The following CCDC148 variants were observed in gnomAD, a reference collection of about 807,000 sequenced individuals.
CCDC148 encodes the protein coiled-coil domain containing 148.
In CCDC148, 89 loss-of-function variants were observed where a neutral mutation model predicts 85.7. The observed-to-expected ratio is 1.04, with a 90% CI of 0.87 to 1.24. The LOEUF (loss-of-function observed/expected upper bound fraction) is 1.24, where lower values mean the gene tolerates loss of function less well. Among genes scored for constraint, CCDC148 ranks in the 50% most tolerant of loss-of-function variants. The pLI is 0.00. For missense variants in CCDC148, 692 were observed against 671.7 expected (o/e 1.03, Z -0.33); for synonymous variants, 230 against 213.9 (o/e 1.08, Z -0.66).
At chr2:158,314,091 A>G (rs2105214768) in intron 7 of CCDC148, among the ~76,000 whole-genome samples, 197 bp from the exon 8 acceptor site, 1 of 152,300 alleles carries the variant, frequency 6.6e-6, no homozygotes, top group Non-Finnish European at 1.5e-5. Context: ...TCAGTTCTTT[A>G]TTTGGTCTTG....
chr2:158,424,287 A>G (rs1031287552), intron 1 of CCDC148, among the ~76,000 whole-genome samples: 1 of 152,172 alleles, frequency 6.6e-6, no homozygotes. Context: ...TTGCGGCACT[A>G]TTCACAATAG....
Position 158,403,201 on chromosome 2 carries a change from C to T in CCDC148, c.26-44631G>A, listed in dbSNP as rs574464519. The stretch of plus-strand genomic sequence containing the variant: ...TATTTTTTTCTTTTTTTTTTCTGAC[C>T]CAAAGCCTGTATTTGCAAGTTAAAC... On this transcript the variant is annotated intron_variant, in intron 1 of 13. Coordinates refer to ENST00000283233, the MANE Select transcript of CCDC148 (RefSeq NM_138803.4). Among the ~76,000 whole-genome samples the T allele has an allele frequency of 1.4e-3, 205 of 151,158 alleles. 1 individual carries two copies. In the Middle Eastern group the frequency reaches 0.014, roughly 10 times the overall value.
chr2:158,407,712 A>C (rs1166490913), intron 1 of CCDC148, among the ~76,000 whole-genome samples: 1 of 152,184 alleles, frequency 6.6e-6, no homozygotes, highest in Non-Finnish European at 1.5e-5. Context: ...AATAGACCTT[A>C]AACTGGTCCA....
rs553468007 is a variant in CCDC148 at position 158,401,137 on chromosome 2, C to A, written c.26-42567G>T. On this transcript the variant is annotated intron_variant, in intron 1 of 13. Transcript: ENST00000283233. ...ATTAATTCAACCATTGTGGAAGACACTGTGGCGATTCCTGAAGGATTTAGA... is the reference window on the plus strand; with the variant it reads ...ATTAATTCAACCATTGTGGAAGACAATGTGGCGATTCCTGAAGGATTTAGA... Among the ~76,000 whole-genome samples the A allele has an allele frequency of 8.8e-4, 134 of 152,194 alleles. No individual in the cohort carries two copies. In the Middle Eastern group the frequency reaches 0.014, roughly 15 times the overall value.
At chr2:158,265,315 C>G (rs1385358630) in intron 9 of CCDC148, among the ~76,000 whole-genome samples, 4 of 151,996 alleles carry the variant, frequency 2.6e-5, no homozygotes, top group Admixed American at 2.0e-4. Flanking sequence ...TGCAACCAAC[C>G]AATAATCCTA....
At chr2:158,270,441 C>A (rs182551188) in intron 9 of CCDC148, among the ~76,000 whole-genome samples, 1 of 152,274 alleles carries the variant, frequency 6.6e-6, no homozygotes, top group Non-Finnish European at 1.5e-5. Flanking sequence ...GGTTACTTTA[C>A]TTTGTACGAG....
chr2:158,181,089 T>C (rs1220574765), intron 11 of CCDC148, among the ~76,000 whole-genome samples: 1 of 152,154 alleles, frequency 6.6e-6, no homozygotes, highest in South Asian at 2.1e-4. Flanking sequence ...AGTGAACTAC[T>C]GTGAAGGTTC....
intron 10 of CCDC148, among the ~76,000 whole-genome samples, chr2:158,239,097 C>A (rs1400449977): frequency 1.3e-5 from 2 of 152,098 alleles, no homozygotes; most frequent in African/African-American, 4.8e-5. Context: ...TGGAATACTG[C>A]CTTGCACATA....
chr2:158,334,306 T>C (rs1261599351), intron 7 of CCDC148, among the ~76,000 whole-genome samples: 1 of 152,140 alleles, frequency 6.6e-6, no homozygotes. Context: ...CTCTCCAATT[T>C]TGGGGGAAGC....
intron 8 of CCDC148, among the ~76,000 whole-genome samples, chr2:158,310,804 G>A (rs1412700943): frequency 2.0e-5 from 3 of 150,750 alleles, no homozygotes; most frequent in East Asian, 2.0e-4. Context: ...GACGATAGGC[G>A]GCCAGGCAGA....
At chr2:158,235,172 G>A (rs911982934) in intron 10 of CCDC148, among the ~76,000 whole-genome samples, 1 of 152,130 alleles carries the variant, frequency 6.6e-6, no homozygotes, top group African/African-American at 2.4e-5. Context: ...AGTATATTGT[G>A]TATATTATGT....
chr2:158,248,031 C>T (rs1688639579), intron 10 of CCDC148, among the ~76,000 whole-genome samples: 1 of 152,112 alleles, frequency 6.6e-6, no homozygotes, highest in Admixed American at 6.6e-5. Context: ...TTAAGCCCTG[C>T]ATGCATTAGG....
At chr2:158,179,070 G>T in intron 11 of CCDC148, 74 bp from the exon 12 acceptor site, 1 of 1,086,760 alleles carries the variant, frequency 9.2e-7, no homozygotes, top group South Asian at 1.4e-5. Flanking sequence ...AACAGCATAG[G>T]GGCAGAACAC....
At chr2:158,424,984 T>A in intron 1 of CCDC148, 1 of 370,486 alleles carries the variant, frequency 2.7e-6, no homozygotes, top group Non-Finnish European at 5.3e-6. Context: ...CAAAGAGATA[T>A]AGAAGCTGCA....
chr2:158,397,680 A>G (rs1259976025), intron 1 of CCDC148, among the ~76,000 whole-genome samples: 2 of 152,200 alleles, frequency 1.3e-5, no homozygotes, highest in African/African-American at 4.8e-5. Context: ...AAAACATGCC[A>G]AATTGTAAAG....
intron 10 of CCDC148, among the ~76,000 whole-genome samples, chr2:158,226,418 C>T (rs532026684): frequency 4.1e-4 from 63 of 152,250 alleles, no homozygotes; most frequent in Admixed American, 3.9e-3. Flanking sequence ...CTATTCCAAT[C>T]AATAGAAAAA....
chr2:158,269,347 A>G (rs1435634624), intron 9 of CCDC148, among the ~76,000 whole-genome samples: 3 of 149,044 alleles, frequency 2.0e-5, no homozygotes, highest in Non-Finnish European at 4.5e-5. Flanking sequence ...CTCTTGGCCA[A>G]CCTCTTAACT....
chr2:158,229,864 T>C (rs1462729256), intron 10 of CCDC148, among the ~76,000 whole-genome samples: 1 of 152,166 alleles, frequency 6.6e-6, no homozygotes, highest in Non-Finnish European at 1.5e-5. Flanking sequence ...AACCCAAAGA[T>C]TGTAGCATCA....
intron 11 of CCDC148, among the ~76,000 whole-genome samples, chr2:158,198,921 G>C (rs1685811142): frequency 6.6e-6 from 1 of 152,136 alleles, no homozygotes. Flanking sequence ...CCTTGATTCT[G>C]AAACAGCTTT....
Sources: gnomAD v4.1 joint callset for allele counts (sites outside exome capture counted in the v4.1 genomes callset) on GRCh38, gnomAD v4.1.1 for gene constraint, MANE v1.5 for transcripts, NCBI Gene and HGNC (gene_info 2026-07-23, HGNC 2026-07-21) for gene names.